RARB: variants seen among roughly 807,000 people sequenced by gnomAD.
RARB encodes the protein retinoic acid receptor beta, also known as HBV-activated protein.
A neutral mutation model predicts 51.9 loss-of-function variants in RARB; 17 were observed. The ratio of observed to expected loss-of-function variants is 0.33; its 90% CI spans 0.22 to 0.49. RARB has a LOEUF of 0.49. Ranked by LOEUF, RARB falls within the 20% of genes least tolerant of loss-of-function variation. The pLI, the probability that RARB is intolerant of heterozygous loss-of-function variation, is 0.99. For missense variants in RARB, 369 were observed against 550.8 expected, an observed-to-expected ratio of 0.67 and a Z score of 3.30; for synonymous variants, 215 against 195.4, an observed-to-expected ratio of 1.10 and a Z score of -0.84.
At chr3:25,322,447 C>T (rs746328297) in intron 5 of RARB, among the ~76,000 whole-genome samples, 1 of 152,128 alleles carries the variant, frequency 6.6e-6, no homozygotes, top group Non-Finnish European at 1.5e-5. Context: ...AAAGTAAGTT[C>T]TGATTTTCTT....
At chr3:25,293,407 C>T (rs1318673853) in intron 5 of RARB, among the ~76,000 whole-genome samples, 2 of 152,012 alleles carry the variant, frequency 1.3e-5, no homozygotes, top group African/African-American at 2.4e-5. Flanking sequence ...TGGCATATCA[C>T]AAGCCCTCAA....
intron 2 of RARB, among the ~76,000 whole-genome samples, chr3:24,900,698 A>G (rs1476970769): frequency 2.0e-5 from 3 of 152,204 alleles, no homozygotes; most frequent in Non-Finnish European, 4.4e-5. Context: ...AGATGGGATG[A>G]GACAGCTGAT....
chr3:25,207,495 T>G (rs1182144177), intron 5 of RARB, among the ~76,000 whole-genome samples: 1 of 152,230 alleles, frequency 6.6e-6, no homozygotes, highest in Non-Finnish European at 1.5e-5. Context: ...ACACAGGTTA[T>G]ATATAAAAAT....
intron 3 of RARB, among the ~76,000 whole-genome samples, chr3:25,508,274 A>G (rs940135628): frequency 1.3e-5 from 2 of 152,168 alleles, no homozygotes; most frequent in African/African-American, 2.4e-5. Flanking sequence ...TCCAATTTAT[A>G]CTTTAGACAT....
rs1325238964 is a variant in RARB, at chr3:25,580,787, A to AG, written c.786+69dup. 2.7e-6 allele frequency: 4 copies of AG among 1,460,524 alleles called. No homozygotes were observed. The African/African-American group carries it at 5.6e-5, about 20-fold the overall frequency. 90.5% of individuals were successfully genotyped at this position (1,460,524 alleles called of 1,614,324 possible). On this transcript the variant is annotated intron_variant, in intron 5 of 7. Coordinates refer to ENST00000330688, the MANE Select transcript of RARB (RefSeq NM_000965.5). ...AGAGAGGGCACCGTGGAGGGGAGGG[A>AG]GGGGACCAAGAGACATTGAAGATCT... is the stretch of plus-strand genomic sequence containing the variant.
chr3:25,413,701 G>A (rs1394376920), intron 5 of RARB, among the ~76,000 whole-genome samples: 1 of 151,984 alleles, frequency 6.6e-6, no homozygotes, highest in Admixed American at 6.6e-5. Context: ...TTTGGTAGAT[G>A]TGTCGTGCTA....
intron 2 of RARB, among the ~76,000 whole-genome samples, chr3:25,022,054 TA>T (rs1389811359): frequency 6.6e-6 from 1 of 152,184 alleles, no homozygotes; most frequent in Non-Finnish European, 1.5e-5. Flanking sequence ...AAGTAGGTGG[TA>T]AAATCCTAAG....
At chr3:24,882,629 G>A (rs150373688) in intron 2 of RARB, among the ~76,000 whole-genome samples, 3 of 152,066 alleles carry the variant, frequency 2.0e-5, no homozygotes, top group South Asian at 2.1e-4. Flanking sequence ...TTGGTATTTT[G>A]TGGTGTATTT....
intron 2 of RARB, among the ~76,000 whole-genome samples, chr3:24,898,599 TG>T (rs1224960375): frequency 6.6e-6 from 1 of 152,194 alleles, no homozygotes; most frequent in African/African-American, 2.4e-5. Flanking sequence ...TATTTTATTT[TG>T]GTAAGGATTT....
chr3:24,961,735 C>T lies in RARB; in HGVS notation c.-379-98390C>T, dbSNP rs1420223955. Among the ~76,000 whole-genome samples the T allele has an allele frequency of 3.3e-5, 5 of 152,202 alleles. No homozygotes were observed. In the East Asian group the frequency reaches 9.7e-4, roughly 30 times the overall value. Reference sequence around the variant, plus strand: ...ATAGGAAACTGAGGCTCCAAAACACCATTGGACAATTGGCAAAGCCGATGA... The same window carrying T: ...ATAGGAAACTGAGGCTCCAAAACACTATTGGACAATTGGCAAAGCCGATGA... On this transcript the variant is annotated intron_variant, in intron 2 of 11. Transcript: ENST00000383772.
At chr3:25,385,561 C>T (rs1436799807) in intron 5 of RARB, among the ~76,000 whole-genome samples, 12 of 152,144 alleles carry the variant, frequency 7.9e-5, no homozygotes, top group South Asian at 2.1e-4. Context: ...TCCCCTACCA[C>T]GAGGATCCTG....
chr3:25,224,731 C>T (rs1308574046), intron 5 of RARB, among the ~76,000 whole-genome samples: 2 of 152,020 alleles, frequency 1.3e-5, no homozygotes, highest in African/African-American at 4.8e-5. Flanking sequence ...CCTCAGCCTC[C>T]CAAGTAGATG....
rs151098855 is a variant in RARB at position 25,089,738 on chromosome 3, T to C, written c.-328+29562T>C. On this transcript the variant is annotated intron_variant, in intron 3 of 11. Coordinates refer to the RARB transcript ENST00000383772. ...CCTTGAAAGAGAAGCCAAGAATATT[T>C]ACAATTCATTTCCTCTTATTTAAAG... is the stretch of plus-strand genomic sequence containing the variant. Among the ~76,000 whole-genome samples the C allele has an allele frequency of 4.3e-3, 655 of 152,298 alleles. 8 individuals carry two copies. Among genetic ancestry groups the C allele is most frequent in the East Asian group, 0.012 (64 of 5,180 alleles).
intron 2 of RARB, among the ~76,000 whole-genome samples, chr3:24,964,506 C>T (rs769165649): frequency 1.3e-5 from 2 of 152,116 alleles, no homozygotes; most frequent in Non-Finnish European, 2.9e-5. Flanking sequence ...TATTCTAACC[C>T]TTTTAACATT....
intron 1 of RARB, among the ~76,000 whole-genome samples, chr3:24,833,795 C>A (rs1014436960): frequency 6.6e-5 from 10 of 152,164 alleles, no homozygotes; most frequent in African/African-American, 2.2e-4. Context: ...GGTAGACCTG[C>A]CAGTATTGGT....
At chr3:25,442,753 G>C (rs1265580259) in intron 1 of RARB, among the ~76,000 whole-genome samples, 1 of 152,008 alleles carries the variant, frequency 6.6e-6, no homozygotes, top group Non-Finnish European at 1.5e-5. Flanking sequence ...CAAGTATTTA[G>C]CACTTGTTTT....
intron 5 of RARB, among the ~76,000 whole-genome samples, chr3:25,295,205 T>C (rs1279372822): frequency 6.6e-6 from 1 of 152,218 alleles, no homozygotes; most frequent in Non-Finnish European, 1.5e-5. Context: ...TTTTAACTGC[T>C]ATGGTCAGAA....
At chr3:25,169,016 A>C (rs1253339245) in intron 4 of RARB, among the ~76,000 whole-genome samples, 2 of 152,198 alleles carry the variant, frequency 1.3e-5, no homozygotes, top group Non-Finnish European at 2.9e-5. Context: ...AAGCAATGTA[A>C]AAAGCTTGGG....
At chr3:25,196,119 G>C (rs2125366951) in intron 5 of RARB, among the ~76,000 whole-genome samples, 1 of 152,004 alleles carries the variant, frequency 6.6e-6, no homozygotes, top group Admixed American at 6.6e-5. Context: ...TGTGCACAAA[G>C]TACAGGTTTA....
Sources: allele counts gnomAD v4.1 joint callset (sites outside exome capture counted in the v4.1 genomes callset), GRCh38; gene constraint gnomAD v4.1.1; transcripts MANE v1.5; gene names NCBI Gene and HGNC (gene_info 2026-07-23, HGNC 2026-07-21).